MGMT: variants seen among roughly 807,000 people sequenced by gnomAD.
MGMT encodes methylated-DNA--protein-cysteine methyltransferase.
In MGMT, 14 loss-of-function variants were observed where a neutral mutation model predicts 15.9. The observed-to-expected ratio is 0.88, with a 90% CI of 0.58 to 1.37. MGMT has a LOEUF of 1.37. MGMT is among the 40% of genes most tolerant of loss of function. MGMT has a pLI of 0.00. For missense variants in MGMT, 282 were observed against 268.1 expected, an observed-to-expected ratio of 1.05 and a Z score of -0.36; for synonymous variants, 130 against 118.2, an observed-to-expected ratio of 1.10 and a Z score of -0.65.
intron 2 of MGMT, among the ~76,000 whole-genome samples, chr10:129,623,758 C>G (rs1847115734): frequency 6.6e-6 from 1 of 152,160 alleles, no homozygotes; most frequent in Non-Finnish European, 1.5e-5. Context: ...TGGTCTCAAG[C>G]AGTCTTCCTG....
intron 2 of MGMT, among the ~76,000 whole-genome samples, chr10:129,686,406 G>A (rs571224891): frequency 3.2e-4 from 49 of 152,036 alleles, no homozygotes; most frequent in Non-Finnish European, 5.0e-4. Flanking sequence ...ACAGAGTCTC[G>A]CTTTGTTGCC....
At chr10:129,486,935 T>C (rs1028503063) in intron 1 of MGMT, among the ~76,000 whole-genome samples, 3 of 152,168 alleles carry the variant, frequency 2.0e-5, no homozygotes, top group Non-Finnish European at 4.4e-5. Context: ...CTTTAATCAG[T>C]TAAATGTAAT....
intron 2 of MGMT, among the ~76,000 whole-genome samples, chr10:129,579,610 C>A (rs1846528574): frequency 6.6e-6 from 1 of 152,212 alleles, no homozygotes; most frequent in Non-Finnish European, 1.5e-5. Flanking sequence ...GTTATCTCAG[C>A]TGAGTGTCCG....
intron 2 of MGMT, among the ~76,000 whole-genome samples, chr10:129,620,799 A>G (rs1054605427): frequency 1.3e-5 from 2 of 152,150 alleles, no homozygotes; most frequent in African/African-American, 4.8e-5. Flanking sequence ...TAATGTACTC[A>G]TCAATAGGTA....
chr10:129,750,163 G>A (rs1248377282), intron 3 of MGMT, among the ~76,000 whole-genome samples: 1 of 151,716 alleles, frequency 6.6e-6, no homozygotes, highest in East Asian at 1.9e-4. Flanking sequence ...GAATCATGTT[G>A]TATCTAAAAA....
chr10:129,592,235 T>C (rs959020992), intron 2 of MGMT, among the ~76,000 whole-genome samples: 2 of 152,196 alleles, frequency 1.3e-5, no homozygotes, highest in African/African-American at 2.4e-5. Flanking sequence ...TCAAGGAAAA[T>C]AGCTGACAGT....
intron 3 of MGMT, among the ~76,000 whole-genome samples, chr10:129,712,717 AGAG>A (rs964545536): frequency 1.3e-5 from 2 of 152,076 alleles, no homozygotes; most frequent in African/African-American, 4.8e-5. Context: ...ACGAGGGAGG[AGAG>A]GAGAAGAGAG....
chr10:129,651,897 A>T (rs1406165649), intron 2 of MGMT, among the ~76,000 whole-genome samples: 1 of 152,226 alleles, frequency 6.6e-6, no homozygotes, highest in Non-Finnish European at 1.5e-5. Context: ...CTGAATTTCC[A>T]TTAATAACTC....
chr10:129,710,390 G>A (rs562777734), intron 3 of MGMT, among the ~76,000 whole-genome samples: 108 of 152,348 alleles, frequency 7.1e-4, no homozygotes, highest in African/African-American at 2.4e-3. Context: ...CAGACCCAGG[G>A]TGCTGAGCTC....
intron 2 of MGMT, among the ~76,000 whole-genome samples, chr10:129,549,224 A>G (rs1442979231): frequency 6.6e-6 from 1 of 152,094 alleles, no homozygotes; most frequent in Admixed American, 6.5e-5. Flanking sequence ...TTTCTCCCCT[A>G]ACTGTAGCAG....
chr10:129,570,696 CT>C (rs1178663149), intron 2 of MGMT, among the ~76,000 whole-genome samples: 2 of 152,028 alleles, frequency 1.3e-5, no homozygotes, highest in African/African-American at 4.8e-5. Flanking sequence ...TTAATTTTGA[CT>C]GAAAAAAATT....
intron 2 of MGMT, among the ~76,000 whole-genome samples, chr10:129,547,706 G>A (rs1456641428): frequency 6.6e-6 from 1 of 152,196 alleles, no homozygotes; most frequent in Non-Finnish European, 1.5e-5. Flanking sequence ...GGCTGGGGCA[G>A]GTGAAGCATT....
intron 3 of MGMT, among the ~76,000 whole-genome samples, chr10:129,735,443 TTC>T (rs997374720): frequency 4.6e-5 from 7 of 152,344 alleles, no homozygotes; most frequent in African/African-American, 1.7e-4. Context: ...TATTTGATTC[TTC>T]TCTCTCTTTT....
At chr10:129,696,067 A>G (rs1353681968) in intron 2 of MGMT, among the ~76,000 whole-genome samples, 2 of 152,184 alleles carry the variant, frequency 1.3e-5, no homozygotes, top group African/African-American at 2.4e-5. Context: ...GCTGTGTGTC[A>G]TGGGGGGAGG....
At chr10:129,571,918 G>A (rs750452201) in intron 2 of MGMT, among the ~76,000 whole-genome samples, 1 of 152,104 alleles carries the variant, frequency 6.6e-6, no homozygotes, top group African/African-American at 2.4e-5. Context: ...GTGCGACAGC[G>A]GGCTCCCTGT....
At chr10:129,599,588 C>T (rs1846793595) in intron 2 of MGMT, among the ~76,000 whole-genome samples, 1 of 152,152 alleles carries the variant, frequency 6.6e-6, no homozygotes, top group Admixed American at 6.5e-5. Flanking sequence ...AACCATTGTC[C>T]TTCCCCCCTC....
At chr10:129,640,592 C>CATG (rs1554872675) in intron 2 of MGMT, among the ~76,000 whole-genome samples, 3 of 103,530 alleles carry the variant, frequency 2.9e-5, no homozygotes, top group African/African-American at 1.2e-4. Context: ...CCAGAAAATA[C>CATG]ACGAGGAAAT....
chr10:129,523,674 A>G (rs1845837758), intron 1 of MGMT, among the ~76,000 whole-genome samples: 1 of 150,332 alleles, frequency 6.7e-6, no homozygotes, highest in African/African-American at 2.5e-5. Context: ...TTCTCTTCTA[A>G]TGCATTCCCG....
In MGMT at chr10:129,748,357, G is replaced by C. The variant is rs531302020; in HGVS notation, c.275-10845G>C. On this transcript the variant is annotated intron_variant, in intron 3 of 4. Coordinates refer to ENST00000651593, the MANE Select transcript of MGMT (RefSeq NM_002412.5). The stretch of plus-strand genomic sequence containing the variant: ...TTGGGAGATTGTGCAGTTTGCTCCT[G>C]TGTCCCTTTGTCGTACTCTCCTCAT... Among the ~76,000 whole-genome samples, 26 of 152,238 alleles carry C rather than the reference G, an allele frequency of 1.7e-4. No individual in the cohort carries two copies. In the South Asian group the frequency reaches 5.2e-3, roughly 30 times the overall value.
Sources: allele counts gnomAD v4.1 joint callset (sites outside exome capture counted in the v4.1 genomes callset), GRCh38; gene constraint gnomAD v4.1.1; transcripts MANE v1.5; gene names NCBI Gene and HGNC (gene_info 2026-07-23, HGNC 2026-07-21).